The following LRP8 variants were observed in gnomAD, a reference collection of about 807,000 sequenced individuals.
LRP8 encodes LDL receptor related protein 8, also known as low-density lipoprotein receptor-related protein 8.
LRP8 carries 46 observed loss-of-function variants against 111.6 expected under a neutral mutation model. That is an observed-to-expected ratio of 0.41 (90% CI 0.33 to 0.53). LRP8 has a LOEUF of 0.53. Ranked by LOEUF, LRP8 falls within the 20% of genes least tolerant of loss-of-function variation. The pLI is 0.20. For missense variants in LRP8, 959 were observed against 1,297.4 expected, an observed-to-expected ratio of 0.74 and a Z score of 4.01; for synonymous variants, 464 against 511.2, an observed-to-expected ratio of 0.91 and a Z score of 1.24.
rs1416757178 is a variant in LRP8, at chr1:53,249,283, C to G, written c.2853+97G>C. 7 of 1,366,822 alleles carry G rather than the reference C, an allele frequency of 5.1e-6. No homozygotes were observed. Among genetic ancestry groups the G allele is most frequent in the Non-Finnish European group, 5.0e-6 (5 of 998,340 alleles). The allele number at this position is 1,366,822 out of a possible 1,614,324, so 84.7% of individuals were successfully genotyped here. A position where few individuals can be genotyped will look rare whatever the true frequency, so the allele number is the denominator to read the frequency against. ...CCAACACCCAGCTTACAATTTGCAG[C>G]CTTCCCAAACCAGAAAGCCTTCTAG... On this transcript the variant is annotated intron_variant, in intron 18 of 18. Transcript: ENST00000306052. The surrounding 1 kb of genome is among the most constrained non-coding windows in gnomAD (Gnocchi z 4.1).
At position 53,317,962 on chromosome 1, in the gene LRP8, C is replaced by T. The variant is rs1225554830; in HGVS notation, c.244+8911G>A. On this transcript the variant is annotated intron_variant, in intron 2 of 18. Coordinates refer to ENST00000306052, the MANE Select transcript of LRP8 (RefSeq NM_004631.5). This position sits in a 1 kb window ranked among gnomAD's most constrained non-coding sequence, Gnocchi z 4.9. ...GCCAGCTATACTCCCCGCACTGTCA[C>T]CAGGTAGTAAGGCACAGATCCCTGC... 6.6e-6 allele frequency among the ~76,000 whole-genome samples: 1 copy of T among 152,206 alleles called. No individual in the cohort carries two copies. The highest frequency in any genetic ancestry group is 2.4e-5 in the African/African-American group (1 of 41,446).
At chr1:53,259,730 C>T (rs558158206) in intron 13 of LRP8, among the ~76,000 whole-genome samples, 1 of 152,298 alleles carries the variant, frequency 6.6e-6, no homozygotes, top group African/African-American at 2.4e-5. Context: ...CAGGCATGAG[C>T]CACCATGTCT....
At chr1:53,308,686 A>G (rs1191774303) in intron 2 of LRP8, among the ~76,000 whole-genome samples, 1 of 152,116 alleles carries the variant, frequency 6.6e-6, no homozygotes, top group Non-Finnish European at 1.5e-5. Context: ...GAGAGGCCCA[A>G]GGAGGGCTCT....
At chr1:53,281,990 G>T (rs1647128384) in intron 3 of LRP8, among the ~76,000 whole-genome samples, 1 of 152,238 alleles carries the variant, frequency 6.6e-6, no homozygotes, top group African/African-American at 2.4e-5. Flanking sequence ...AAAGTCAGCT[G>T]TGTCTGATGC....
In LRP8 at chr1:53,266,418, C is replaced by A; in HGVS notation, c.1427+55G>T. On this transcript the variant is annotated intron_variant, in intron 9 of 18. Transcript: ENST00000306052. The surrounding 1 kb of genome is among the most constrained non-coding windows in gnomAD (Gnocchi z 5.0). Reference sequence around the variant, plus strand: ...CACCACTCCTCCCCTCCTCACCTGTCACCACCCCTCACCCCCACTCTTCAT... The same window carrying A: ...CACCACTCCTCCCCTCCTCACCTGTAACCACCCCTCACCCCCACTCTTCAT... 6.3e-7 allele frequency: 1 copy of A among 1,582,818 alleles called. No individual in the cohort carries two copies. The highest frequency in any genetic ancestry group is 1.1e-5 in the South Asian group (1 of 87,672).
At chr1:53,287,757 C>T (rs1437919452) in intron 3 of LRP8, among the ~76,000 whole-genome samples, 2 of 152,098 alleles carry the variant, frequency 1.3e-5, no homozygotes, top group African/African-American at 4.8e-5. Flanking sequence ...CAGGAGGGCC[C>T]CTGCCCAGCC....
intron 13 of LRP8, among the ~76,000 whole-genome samples, chr1:53,259,032 T>C (rs1479822697): frequency 6.6e-6 from 1 of 152,256 alleles, no homozygotes; most frequent in Non-Finnish European, 1.5e-5. Flanking sequence ...CCACACTTTC[T>C]TTATTCACTC....
chr1:53,320,877 A>C (rs1654424345), intron 2 of LRP8, among the ~76,000 whole-genome samples: 1 of 152,192 alleles, frequency 6.6e-6, no homozygotes, highest in Non-Finnish European at 1.5e-5. Flanking sequence ...ACGGCTTAAG[A>C]AGAGTCTGGG....
intron 4 of LRP8, among the ~76,000 whole-genome samples, chr1:53,277,807 G>A (rs569573316): frequency 1.3e-5 from 2 of 152,292 alleles, no homozygotes; most frequent in East Asian, 3.9e-4. Context: ...CCTCAGTCGC[G>A]CAGGCGTCTG....
At position 53,243,235 on chromosome 1, in the gene LRP8, A is replaced by G. The variant is rs979355235; in HGVS notation, c.*3783T>C. On this transcript the variant is annotated 3_prime_UTR_variant, in exon 19 of 19. Transcript: ENST00000306052. ...ATTTCCCCATTCCCACCAGTGCCCAACTGGACAGTGATTAGTATCCCCTCT... is the reference window on the plus strand; with the variant it reads ...ATTTCCCCATTCCCACCAGTGCCCAGCTGGACAGTGATTAGTATCCCCTCT... 5 of 152,272 alleles carry G rather than the reference A, an allele frequency of 3.3e-5. No individual in the cohort carries two copies. The highest frequency in any genetic ancestry group is 9.6e-5 in the African/African-American group (4 of 41,562). 9.4% of individuals were successfully genotyped at this position (152,272 alleles called of 1,614,324 possible). A position where few individuals can be genotyped will look rare whatever the true frequency, so the allele number is the denominator to read the frequency against.
chr1:53,264,248 C>T lies in LRP8; in HGVS notation c.1576G>A (p.Val526Ile). 11 of 1,614,210 alleles carry T rather than the reference C, an allele frequency of 6.8e-6. No homozygotes were observed. The highest frequency in any genetic ancestry group is 9.3e-6 in the Non-Finnish European group (11 of 1,180,020). Residue 526 changes from valine (V) to isoleucine (I), a missense_variant, in exon 10 of 19, where the codon GTT (valine) becomes ATT (isoleucine). Physicochemically the swap from Val to Ile is conservative, Grantham distance 29. Transcript: ENST00000306052. ...AGAGTGCGTCGGCGGCCACCATCAACTGTGGCCACTGAGATGGTCTTATTG... is the reference window on the plus strand; with the variant it reads ...AGAGTGCGTCGGCGGCCACCATCAATTGTGGCCACTGAGATGGTCTTATTG... ...SGNKTISVAT[V>I]DGGRRRTLFS... is the part of the protein sequence containing the mutation.
At chr1:53,309,821 TGGCACGGGGCA>T (rs1215602278) in intron 2 of LRP8, among the ~76,000 whole-genome samples, 1 of 152,008 alleles carries the variant, frequency 6.6e-6, no homozygotes, top group Non-Finnish European at 1.5e-5. Flanking sequence ...AGCCCAGCCC[TGGCACGGGGCA>T]GGCACACCTT....
chr1:53,275,678 T>C lies in LRP8; in HGVS notation c.959A>G (p.Gln320Arg), dbSNP rs771714961. 4 of 1,614,144 alleles carry C rather than the reference T, an allele frequency of 2.5e-6. No homozygotes were observed. Among genetic ancestry groups the C allele is most frequent in the Admixed American group, 3.3e-5 (2 of 60,020 alleles). Residue 320 changes from glutamine (Q) to arginine (R), a missense_variant, in exon 6 of 19, where the codon CAG becomes CGG. Physicochemically the swap from Gln to Arg is conservative, Grantham distance 43. Around this residue, in one of 3 missense-constraint regions of LRP8, gnomAD observed 819 missense variants for 1,097.6 expected, o/e 0.75. Coordinates refer to ENST00000306052, the MANE Select transcript of LRP8 (RefSeq NM_004631.5). The surrounding 1 kb of genome is among the most constrained non-coding windows in gnomAD (Gnocchi z 4.4). ...ACTCCCATCTGGACAGTCCTGCTCCTGGTTGCAGTGCTTGATTGCAAGGAC... is the reference window on the plus strand; with the variant it reads ...ACTCCCATCTGGACAGTCCTGCTCCCGGTTGCAGTGCTTGATTGCAAGGAC... ...TCVLAIKHCN[Q>R]EQDCPDGSDE...
At chr1:53,324,021 C>T (rs1426268946) in intron 2 of LRP8, among the ~76,000 whole-genome samples, 1 of 152,244 alleles carries the variant, frequency 6.6e-6, no homozygotes, top group Admixed American at 6.5e-5. Flanking sequence ...CTCACGCAGA[C>T]TCTATCTACA....
At chr1:53,276,614 G>T in intron 5 of LRP8, 78 bp downstream of exon 5, 1 of 1,214,532 alleles carries the variant, frequency 8.2e-7, no homozygotes, top group Non-Finnish European at 1.1e-6. Flanking sequence ...ATGAAAGGAA[G>T]CCTGCACCTG....
intron 2 of LRP8, among the ~76,000 whole-genome samples, chr1:53,301,030 G>A (rs1223475330): frequency 6.6e-6 from 1 of 152,184 alleles, no homozygotes; most frequent in Non-Finnish European, 1.5e-5. Context: ...GGTGTGGGGG[G>A]TGGGGTGGAG....
intron 2 of LRP8, among the ~76,000 whole-genome samples, chr1:53,325,451 A>C (rs1201723172): frequency 6.6e-6 from 1 of 152,214 alleles, no homozygotes; most frequent in Non-Finnish European, 1.5e-5. Context: ...ATTACTTCCA[A>C]TTTCGCTTCT....
chr1:53,257,408 C>T lies in LRP8; in HGVS notation c.2266G>A (p.Ala756Thr). ...GTGGTCCCGGGGGCTCTTGTGGTGG[C>T]AGGTACTGTCCTCGTCATGGTAGAA... ...LASTMTRTVP[A>T]TTRAPGTTVH... Residue 756 changes from alanine to threonine, a missense_variant, in exon 15 of 19, where the codon GCC becomes ACC. Physicochemically the swap from Ala to Thr is moderately conservative, Grantham distance 58. Transcript: ENST00000306052. 1.2e-6 allele frequency: 2 copies of T among 1,614,062 alleles called. No homozygotes were observed. Among genetic ancestry groups the T allele is most frequent in the South Asian group, 1.1e-5 (1 of 91,074 alleles).
intron 1 of LRP8, chr1:53,327,496 A>C: frequency 3.0e-6 from 1 of 327,992 alleles, no homozygotes; most frequent in Non-Finnish European, 5.5e-6. Flanking sequence ...AGAATCACAC[A>C]GCTCATCCGG....
Sources: allele counts gnomAD v4.1 joint callset (sites outside exome capture counted in the v4.1 genomes callset), GRCh38; gene constraint gnomAD v4.1.1; regional missense constraint gnomAD v4.1.1; non-coding constraint Gnocchi (gnomAD v3.1); transcripts MANE v1.5; gene names NCBI Gene and HGNC (gene_info 2026-07-23, HGNC 2026-07-21).